JAZF1: variants seen among roughly 807,000 people sequenced by gnomAD.
JAZF1 encodes the protein JAZF zinc finger 1.
Under a neutral mutation model 26.4 loss-of-function variants are expected in JAZF1, and 8 were observed. That is an observed-to-expected ratio of 0.30 (90% CI 0.18 to 0.55). The LOEUF (loss-of-function observed/expected upper bound fraction) is 0.55. Among genes scored for constraint, JAZF1 ranks in the 20% least tolerant of loss-of-function variants. The probability of loss-of-function intolerance (pLI) is 0.94; values close to 1 mark genes in which losing one functional copy is unlikely to be tolerated. For missense variants in JAZF1, 199 were observed against 322.0 expected (o/e 0.62, Z 2.92); for synonymous variants, 126 against 122.3 (o/e 1.03, Z -0.20).
chr7:28,150,190 CTGCTTCAGGGAA>C (rs1783089724), intron 1 of JAZF1, among the ~76,000 whole-genome samples: 1 of 152,156 alleles, frequency 6.6e-6, no homozygotes, highest in African/African-American at 2.4e-5. Flanking sequence ...GGGCAGGGTA[CTGCTTCAGGGAA>C]TTTTGACAGA....
chr7:27,862,792 T>C (rs1357351548), intron 3 of JAZF1, among the ~76,000 whole-genome samples: 1 of 152,242 alleles, frequency 6.6e-6, no homozygotes, highest in East Asian at 1.9e-4. Flanking sequence ...CCCCGCTTTC[T>C]GTATTTTGGG....
intron 2 of JAZF1, among the ~76,000 whole-genome samples, chr7:27,923,146 T>C (rs1784559721): frequency 6.6e-6 from 1 of 152,190 alleles, no homozygotes; most frequent in East Asian, 1.9e-4. Flanking sequence ...TGTGGTTGTT[T>C]AGCATAACTG....
intron 1 of JAZF1, among the ~76,000 whole-genome samples, chr7:28,115,110 T>C (rs1418971308): frequency 2.6e-5 from 4 of 152,170 alleles, no homozygotes; most frequent in African/African-American, 9.6e-5. Flanking sequence ...GTTGTTGTTT[T>C]TAAGTAATTC....
At chr7:27,938,776 A>G (rs1224258360) in intron 2 of JAZF1, among the ~76,000 whole-genome samples, 3 of 151,058 alleles carry the variant, frequency 2.0e-5, no homozygotes, top group African/African-American at 7.3e-5. Context: ...GGCTCAAGCA[A>G]TTGTCCCACC....
At chr7:28,017,312 C>G (rs1488588592) in intron 1 of JAZF1, among the ~76,000 whole-genome samples, 1 of 147,624 alleles carries the variant, frequency 6.8e-6, no homozygotes, top group Non-Finnish European at 1.5e-5. Flanking sequence ...GATCACACCA[C>G]TGTACTCCAG....
In JAZF1 at chr7:28,088,915, AT is replaced by A. The variant is rs576806434; in HGVS notation, c.115+91547del. ...TTAATTCCTCCCTTCAATTAATTTT[AT>A]TTTACCAACATCTCCAAACTAGGAG... On this transcript the variant is annotated intron_variant, in intron 1 of 4. Transcript: ENST00000283928. Among the ~76,000 whole-genome samples the A allele has an allele frequency of 6.1e-4, 93 of 152,280 alleles. 1 individual carries two copies. Among genetic ancestry groups the A allele is most frequent in the African/African-American group, 2.2e-3 (93 of 41,550 alleles).
intron 2 of JAZF1, among the ~76,000 whole-genome samples, chr7:27,900,404 TTATC>T (rs1367287242): frequency 2.0e-5 from 3 of 152,266 alleles, no homozygotes; most frequent in Non-Finnish European, 2.9e-5. Context: ...CATTAACATT[TTATC>T]TATTTGGTAG....
intron 1 of JAZF1, among the ~76,000 whole-genome samples, chr7:28,059,133 C>A (rs775696883): frequency 3.3e-5 from 5 of 152,094 alleles, no homozygotes; most frequent in African/African-American, 1.2e-4. Flanking sequence ...GTAAATGGAA[C>A]CTGCTAGGAC....
chr7:28,066,832 T>A (rs973916223), intron 1 of JAZF1, among the ~76,000 whole-genome samples: 1 of 152,060 alleles, frequency 6.6e-6, no homozygotes, highest in African/African-American at 2.4e-5. Context: ...GAAAATCAGT[T>A]TGTAATTCCA....
At chr7:28,011,603 T>G (rs1352808682) in intron 1 of JAZF1, among the ~76,000 whole-genome samples, 1 of 152,070 alleles carries the variant, frequency 6.6e-6, no homozygotes, top group Non-Finnish European at 1.5e-5. Flanking sequence ...TAACTGAGGG[T>G]GAGAGGACAT....
intron 2 of JAZF1, among the ~76,000 whole-genome samples, chr7:27,987,228 G>A (rs544532360): frequency 3.3e-5 from 5 of 151,842 alleles, no homozygotes; most frequent in South Asian, 4.2e-4. Context: ...CTGCCTGGCC[G>A]CCCATCGTCT....
chr7:28,074,869 C>G (rs1159183339), intron 1 of JAZF1, among the ~76,000 whole-genome samples: 2 of 152,104 alleles, frequency 1.3e-5, no homozygotes, highest in South Asian at 4.1e-4. Context: ...CCCATGAGCA[C>G]AGAATGAGAC....
chr7:27,875,920 AT>A (rs1469901619), intron 3 of JAZF1, among the ~76,000 whole-genome samples: 80 of 152,352 alleles, frequency 5.3e-4, no homozygotes, highest in African/African-American at 1.8e-3. Context: ...CATTTCCTAT[AT>A]TTCCAGTCAT....
chr7:28,066,268 C>T (rs1783880611), intron 1 of JAZF1, among the ~76,000 whole-genome samples: 1 of 152,102 alleles, frequency 6.6e-6, no homozygotes, highest in African/African-American at 2.4e-5. Context: ...ACTGGAAAGG[C>T]TCCGGTACAG....
At chr7:27,921,704 T>C (rs1784532057) in intron 2 of JAZF1, among the ~76,000 whole-genome samples, 1 of 152,114 alleles carries the variant, frequency 6.6e-6, no homozygotes, top group African/African-American at 2.4e-5. Flanking sequence ...AAATAATCCA[T>C]GAAAAATACA....
chr7:27,920,111 TA>T (rs1409831901), intron 2 of JAZF1, among the ~76,000 whole-genome samples: 1 of 152,206 alleles, frequency 6.6e-6, no homozygotes, highest in Non-Finnish European at 1.5e-5. Context: ...CATCCAATAT[TA>T]AAGGCACTAT....
chr7:27,904,016 C>T (rs1481428411), intron 2 of JAZF1, among the ~76,000 whole-genome samples: 1 of 152,168 alleles, frequency 6.6e-6, no homozygotes, highest in East Asian at 1.9e-4. Context: ...TTCATTGCTC[C>T]AGATGATGGT....
chr7:27,916,650 C>T (rs1400645125), intron 2 of JAZF1, among the ~76,000 whole-genome samples: 1 of 152,188 alleles, frequency 6.6e-6, no homozygotes, highest in Non-Finnish European at 1.5e-5. Context: ...CACTTCAGCG[C>T]TATGCTTGGT....
intron 1 of JAZF1, among the ~76,000 whole-genome samples, chr7:28,128,882 C>T (rs1317125961): frequency 6.6e-6 from 1 of 152,160 alleles, no homozygotes; most frequent in Non-Finnish European, 1.5e-5. Context: ...GAATGTACTA[C>T]TCAGAACACA....
Sources: allele counts gnomAD v4.1 joint callset (sites outside exome capture counted in the v4.1 genomes callset), GRCh38; gene constraint gnomAD v4.1.1; transcripts MANE v1.5; gene names NCBI Gene and HGNC (gene_info 2026-07-23, HGNC 2026-07-21).